The following PRDM15 variants were observed in gnomAD, a reference collection of about 807,000 sequenced individuals.
PRDM15 encodes the protein PR domain zinc finger protein 15.
A neutral mutation model predicts 128.6 loss-of-function variants in PRDM15; 64 were observed. That is an observed-to-expected ratio of 0.50 (90% CI 0.41 to 0.61). The LOEUF is 0.61. Among genes scored for constraint, PRDM15 ranks in the 20% least tolerant of loss-of-function variants. The pLI is 0.00. For synonymous variants in PRDM15, 615 were observed against 621.8 expected (o/e 0.99, Z 0.16); for missense variants, 1,242 against 1,569.1 (o/e 0.79, Z 3.52).
In PRDM15 at chr21:41,860,362, ATC is replaced by A. The variant is rs764658475; in HGVS notation, c.-1_1del. The A allele has an allele frequency of 6.2e-7, 1 of 1,613,936 alleles. No individual in the cohort carries two copies. The highest frequency in any genetic ancestry group is 1.1e-5 in the South Asian group (1 of 91,078). On this transcript the variant is annotated start_lost and start_retained_variant and 5_prime_UTR_variant, in exon 2 of 24. Transcript: ENST00000398548. ...GATCTCTTCGCTCCCATCTTCAGCCATCTCTGACACCTGTCAGGATACAAGAG... is the reference window on the plus strand; with the variant it reads ...GATCTCTTCGCTCCCATCTTCAGCCATCTGACACCTGTCAGGATACAAGAG...
chr21:41,809,526 C>T (rs1373824679), intron 21 of PRDM15, among the ~76,000 whole-genome samples: 1 of 152,160 alleles, frequency 6.6e-6, no homozygotes, highest in Non-Finnish European at 1.5e-5. Context: ...CCACCGTGCC[C>T]GGCCCAGATT....
intron 5 of PRDM15, among the ~76,000 whole-genome samples, chr21:41,853,568 T>C (rs2063491649): frequency 1.3e-5 from 2 of 152,178 alleles, no homozygotes; most frequent in South Asian, 2.1e-4. Context: ...TCAGGTTTTA[T>C]GAGGAGGATC....
At position 41,821,036 on chromosome 21, in the gene PRDM15, C is replaced by A; in HGVS notation, c.2060+31G>T. ...AGGAAGCATGTCCCCTCTCTCCTGA[C>A]ACAACCCGGGAGCCCCCGACCAGGC... On this transcript the variant is annotated intron_variant, in intron 16 of 23. Coordinates refer to ENST00000398548, the MANE Select transcript of PRDM15 (RefSeq NM_001040424.3). This position sits in a 1 kb window ranked among gnomAD's most constrained non-coding sequence, Gnocchi z 5.4. 2 of 1,613,970 alleles carry A rather than the reference C, an allele frequency of 1.2e-6. No homozygotes were observed. The highest frequency in any genetic ancestry group is 8.5e-7 in the Non-Finnish European group (1 of 1,179,866).
intron 3 of PRDM15, among the ~76,000 whole-genome samples, chr21:41,858,085 G>A (rs1223688308): frequency 6.6e-6 from 1 of 152,258 alleles, no homozygotes; most frequent in Non-Finnish European, 1.5e-5. Flanking sequence ...CTGCTGAGGA[G>A]CCATATGAAG....
chr21:41,828,295 AGAATCTG>A lies in PRDM15; in HGVS notation c.1398_1404del (p.Arg467SerfsTer48). 6.2e-7 allele frequency: 1 copy of A among 1,614,058 alleles called. No homozygotes were observed. The highest frequency in any genetic ancestry group is 2.2e-5 in the East Asian group (1 of 44,866). On this transcript the variant is annotated frameshift_variant, in exon 12 of 24. Coordinates refer to ENST00000398548, the MANE Select transcript of PRDM15 (RefSeq NM_001040424.3). LOFTEE classifies it high-confidence loss of function. This position sits in a 1 kb window ranked among gnomAD's most constrained non-coding sequence, Gnocchi z 5.7. ...TTGGAGAGGTTGCTGTTGGTGGAGA[AGAATCTG>A]AAACACATCTCACATTGGAACGTCT... is the stretch of plus-strand genomic sequence containing the variant.
Position 41,871,515 on chromosome 21 carries a change from G to A in PRDM15, c.-10+7755C>T, listed in dbSNP as rs374855659. On this transcript the variant is annotated intron_variant, in intron 1 of 23. Coordinates refer to ENST00000398548, the MANE Select transcript of PRDM15 (RefSeq NM_001040424.3). ...CCACCAGGAGGTAGGGCAGGATTGCGTCGCAGGCCTGCACTCGCAGGGCTC... is the reference window on the plus strand; with the variant it reads ...CCACCAGGAGGTAGGGCAGGATTGCATCGCAGGCCTGCACTCGCAGGGCTC... The A allele has an allele frequency of 5.5e-5, 89 of 1,606,554 alleles. No homozygotes were observed. Among genetic ancestry groups the A allele is most frequent in the Non-Finnish European group, 6.6e-5 (77 of 1,175,412 alleles).
At chr21:41,813,375 A>G (rs2146299541) in intron 19 of PRDM15, 1 of 152,444 alleles carries the variant, frequency 6.6e-6, no homozygotes, top group East Asian at 1.9e-4. Context: ...ATTCCCCAGG[A>G]AAGAGATGGA....
chr21:41,871,143 T>C (rs919733365), intron 1 of PRDM15, among the ~76,000 whole-genome samples: 4 of 152,174 alleles, frequency 2.6e-5, no homozygotes, highest in African/African-American at 9.7e-5. Flanking sequence ...AAGGCTGTGA[T>C]GAAATGGCAC....
At chr21:41,820,031 A>G (rs1422826273) in intron 17 of PRDM15, 64 bp downstream of exon 17, 12 of 1,375,594 alleles carry the variant, frequency 8.7e-6, no homozygotes, top group Non-Finnish European at 1.2e-5. Flanking sequence ...GGAGACCCCC[A>G]GCATCCCTCC....
At chr21:41,869,989 A>G (rs1427694601) in intron 1 of PRDM15, among the ~76,000 whole-genome samples, 1 of 152,216 alleles carries the variant, frequency 6.6e-6, no homozygotes, top group Admixed American at 6.5e-5. Context: ...GGCGGAGCCC[A>G]GTCAATGCAG....
At chr21:41,876,654 G>T in intron 1 of PRDM15, among the ~76,000 whole-genome samples, 1 of 152,140 alleles carries the variant, frequency 6.6e-6, no homozygotes. Context: ...ACGTGGCCCC[G>T]GGGCAGGGTC....
intron 21 of PRDM15, among the ~76,000 whole-genome samples, chr21:41,808,914 T>A (rs9980208): frequency 0.3 from 45,789 of 152,194 alleles, 7,410 homozygotes; most frequent in Admixed American, 0.4. Flanking sequence ...AATGCTGTGA[T>A]GCTGCCTTCA....
At position 41,800,480 on chromosome 21, in the gene PRDM15, C is replaced by T. The variant is rs531361748; in HGVS notation, c.*760G>A. On this transcript the variant is annotated 3_prime_UTR_variant, in exon 24 of 24. Transcript: ENST00000398548. The stretch of plus-strand genomic sequence containing the variant: ...ATATTGGCCATAACAGTCTTGAACA[C>T]ATAATGTATGTTTGAAATAAAGTTA... 6.7e-6 allele frequency: 1 copy of T among 150,226 alleles called. No homozygotes were observed. Among genetic ancestry groups the T allele is most frequent in the Non-Finnish European group, 1.5e-5 (1 of 67,576 alleles). The allele number at this position is 150,226 out of a possible 1,614,324, so 9.3% of individuals were successfully genotyped here. A position where few individuals can be genotyped will look rare whatever the true frequency, so the allele number is the denominator to read the frequency against.
At position 41,879,158 on chromosome 21, in the gene PRDM15, CG is replaced by C. The variant is rs1474406825; in HGVS notation, c.-10+111del. 1.3e-6 allele frequency: 1 copy of C among 782,682 alleles called. No individual in the cohort carries two copies. Among genetic ancestry groups the C allele is most frequent in the Non-Finnish European group, 1.5e-6 (1 of 654,588 alleles). 48.5% of individuals were successfully genotyped at this position (782,682 alleles called of 1,614,324 possible). A position where few individuals can be genotyped will look rare whatever the true frequency, so the allele number is the denominator to read the frequency against. On this transcript the variant is annotated intron_variant, in intron 1 of 23. Coordinates refer to ENST00000398548, the MANE Select transcript of PRDM15 (RefSeq NM_001040424.3). This position sits in a 1 kb window ranked among gnomAD's most constrained non-coding sequence, Gnocchi z 5.1. Reference sequence around the variant, plus strand: ...GCGCGCGGCTGCCGGGCGCGGGGGGCGGGGGGCAGCGGGCCCAGGGCGCGCC... The same window carrying C: ...GCGCGCGGCTGCCGGGCGCGGGGGGCGGGGGCAGCGGGCCCAGGGCGCGCC...
intron 5 of PRDM15, among the ~76,000 whole-genome samples, chr21:41,850,540 C>G (rs948583131): frequency 1.6e-4 from 24 of 152,148 alleles, no homozygotes; most frequent in Admixed American, 1.4e-3. Flanking sequence ...CCAGCCTAGG[C>G]AACACAGTGA....
At chr21:41,873,239 C>T (rs1225021738) in intron 1 of PRDM15, among the ~76,000 whole-genome samples, 8 of 152,210 alleles carry the variant, frequency 5.3e-5, no homozygotes, top group African/African-American at 7.2e-5. Context: ...GTCTACTCCC[C>T]GGATCTGGAA....
chr21:41,874,521 A>ATTTTTTT lies in PRDM15; in HGVS notation c.-10+4748_-10+4749insAAAAAAA, dbSNP rs1336105383. On this transcript the variant is annotated intron_variant, in intron 1 of 23. Coordinates refer to ENST00000398548, the MANE Select transcript of PRDM15 (RefSeq NM_001040424.3). ...AGCATGCATATATATATATATATAT[A>ATTTTTTT]TATATTTTTTTTTTTTTTTGAAACT... 6.3e-4 allele frequency among the ~76,000 whole-genome samples: 30 copies of ATTTTTTT among 47,950 alleles called. 1 individual carries two copies. The highest frequency in any genetic ancestry group is 1.1e-3 in the African/African-American group (20 of 17,738). The allele number at this position is 47,950 out of a possible 152,430, so 31.5% of individuals were successfully genotyped here.
intron 1 of PRDM15, chr21:41,861,871 G>A (rs2063825139): frequency 6.3e-7 from 1 of 1,577,994 alleles, no homozygotes; most frequent in Non-Finnish European, 8.7e-7. Flanking sequence ...CAAGGGGAGG[G>A]GGGTGAAATT....
At chr21:41,861,806 G>C in intron 1 of PRDM15, 1 of 1,594,256 alleles carries the variant, frequency 6.3e-7, no homozygotes, top group Middle Eastern at 1.7e-4. Flanking sequence ...TTAGCTACAA[G>C]GAAGTGAGGC....
Sources: gnomAD v4.1 joint callset for allele counts (sites outside exome capture counted in the v4.1 genomes callset) on GRCh38, gnomAD v4.1.1 for gene constraint, Gnocchi (gnomAD v3.1) non-coding constraint, MANE v1.5 for transcripts, NCBI Gene and HGNC (gene_info 2026-07-23, HGNC 2026-07-21) for gene names.